DNAL1: variants seen among roughly 807,000 people sequenced by gnomAD.
DNAL1 encodes dynein axonemal light chain 1.
DNAL1 carries 17 observed loss-of-function variants against 29.4 expected under a neutral mutation model. The observed-to-expected ratio is 0.58, with a 90% CI of 0.40 to 0.87. The LOEUF is 0.87. Ranked by LOEUF, DNAL1 falls within the 40% of genes least tolerant of loss-of-function variation. The probability of loss-of-function intolerance (pLI) is 0.00; values close to 1 mark genes in which losing one functional copy is unlikely to be tolerated. For missense variants in DNAL1, 188 were observed against 214.1 expected (o/e 0.88, Z 0.76); for synonymous variants, 78 against 76.3 (o/e 1.02, Z -0.12).
Position 73,673,864 on chromosome 14 carries a change from A to C in DNAL1, c.264+2267A>C, listed in dbSNP as rs75901759. On this transcript the variant is annotated intron_variant, in intron 5 of 7. Transcript: ENST00000553645. The stretch of plus-strand genomic sequence containing the variant: ...AGTGAACTATGATTGTGCCATAGCA[A>C]TGCAGTCTGGGTGACAGAGGGGAAA... Among the ~76,000 whole-genome samples, 1,207 of 144,804 alleles carry C rather than the reference A, an allele frequency of 8.3e-3. 23 individuals carry two copies. The highest frequency in any genetic ancestry group is 0.03 in the African/African-American group (1,148 of 38,640). 95.0% of individuals were successfully genotyped at this position (144,804 alleles called of 152,430 possible).
At chr14:73,660,554 A>G (rs1891318494) in intron 3 of DNAL1, among the ~76,000 whole-genome samples, 2 of 152,218 alleles carry the variant, frequency 1.3e-5, no homozygotes, top group South Asian at 4.1e-4. Flanking sequence ...AAACCTAGGA[A>G]TCTGCATTTA....
chr14:73,652,158 C>T (rs1174757045), intron 1 of DNAL1, among the ~76,000 whole-genome samples: 1 of 152,168 alleles, frequency 6.6e-6, no homozygotes, highest in Admixed American at 6.6e-5. Flanking sequence ...GCCTCAGCCC[C>T]TGCCCAGTTC....
chr14:73,688,723 AG>A (rs1892083848), intron 6 of DNAL1, among the ~76,000 whole-genome samples: 1 of 152,226 alleles, frequency 6.6e-6, no homozygotes, highest in Non-Finnish European at 1.5e-5. Flanking sequence ...AGACAAAGGC[AG>A]GTTAGCTTAA....
At chr14:73,662,594 T>C (rs1048596469) in intron 4 of DNAL1, among the ~76,000 whole-genome samples, 23 of 152,150 alleles carry the variant, frequency 1.5e-4, no homozygotes, top group Non-Finnish European at 4.4e-5. Flanking sequence ...GAGAATCTTT[T>C]TCTAGCCTCT....
At chr14:73,648,403 C>T (rs866740332) in intron 1 of DNAL1, among the ~76,000 whole-genome samples, 49 of 86,746 alleles carry the variant, frequency 5.6e-4, no homozygotes, top group African/African-American at 1.3e-3. Context: ...CACCTCATTT[C>T]ATATATATAT....
At chr14:73,646,097 G>A (rs986839869) in intron 1 of DNAL1, among the ~76,000 whole-genome samples, 1 of 152,138 alleles carries the variant, frequency 6.6e-6, no homozygotes, top group Non-Finnish European at 1.5e-5. Context: ...TCCTTACTTT[G>A]TTCCCCAAGC....
chr14:73,666,680 A>C (rs1286014536), intron 4 of DNAL1, among the ~76,000 whole-genome samples: 1 of 152,162 alleles, frequency 6.6e-6, no homozygotes, highest in Non-Finnish European at 1.5e-5. Flanking sequence ...TTTCATGTGC[A>C]GTTTTTCAAA....
At chr14:73,678,471 C>T (rs192353916) in intron 5 of DNAL1, among the ~76,000 whole-genome samples, 52 of 149,446 alleles carry the variant, frequency 3.5e-4, no homozygotes, top group Non-Finnish European at 4.3e-4. Flanking sequence ...GAAACTGAGG[C>T]TCAGTTATGT....
intron 5 of DNAL1, among the ~76,000 whole-genome samples, chr14:73,677,759 G>A (rs867449114): frequency 5.0e-4 from 75 of 149,710 alleles, no homozygotes; most frequent in African/African-American, 1.7e-3. Flanking sequence ...GGGTTTCACC[G>A]TGTTAGCCAG....
intron 4 of DNAL1, among the ~76,000 whole-genome samples, chr14:73,665,224 G>T (rs1891450107): frequency 6.6e-6 from 1 of 151,984 alleles, no homozygotes; most frequent in Non-Finnish European, 1.5e-5. Flanking sequence ...CTCAAAGTTG[G>T]CATTCAGTAC....
At chr14:73,687,610 C>T (rs1187145105) in intron 6 of DNAL1, among the ~76,000 whole-genome samples, 1 of 152,196 alleles carries the variant, frequency 6.6e-6, no homozygotes, top group African/African-American at 2.4e-5. Context: ...CGGTGGCTCA[C>T]GCCTGTAATC....
chr14:73,690,545 G>A (rs959678001), intron 7 of DNAL1, among the ~76,000 whole-genome samples: 1 of 151,936 alleles, frequency 6.6e-6, no homozygotes, highest in Non-Finnish European at 1.5e-5. Flanking sequence ...CCATCTACTC[G>A]GGAGGCTGAG....
At position 73,696,695 on chromosome 14, in the gene DNAL1, G is replaced by A. The variant is rs1456571315; in HGVS notation, c.*753G>A. 6.6e-6 allele frequency: 1 copy of A among 152,206 alleles called. No individual in the cohort carries two copies. The highest frequency in any genetic ancestry group is 1.5e-5 in the Non-Finnish European group (1 of 68,032). 9.4% of individuals were successfully genotyped at this position (152,206 alleles called of 1,614,324 possible). On this transcript the variant is annotated 3_prime_UTR_variant, in exon 8 of 8. Transcript: ENST00000553645. ...CTGATAATGTGGCAATGTTACTCAT[G>A]TGGACCTCGCCTTAAGCACACATTT...
At position 73,702,267 on chromosome 14, in the gene DNAL1, A is replaced by G. The variant is rs1277864013; in HGVS notation, c.*6325A>G. 1 of 152,056 alleles carries G rather than the reference A, an allele frequency of 6.6e-6. No individual in the cohort carries two copies. The highest frequency in any genetic ancestry group is 1.5e-5 in the Non-Finnish European group (1 of 68,038). 9.4% of individuals were successfully genotyped at this position (152,056 alleles called of 1,614,324 possible). On this transcript the variant is annotated 3_prime_UTR_variant, in exon 8 of 8. Coordinates refer to ENST00000553645, the MANE Select transcript of DNAL1 (RefSeq NM_031427.4). The stretch of plus-strand genomic sequence containing the variant: ...GCGAGTCTCCTGCCTCAGCCTCCCG[A>G]GTACTGGGACTACAGGCGCACACCA...
intron 7 of DNAL1, among the ~76,000 whole-genome samples, chr14:73,692,155 G>T (rs1892191305): frequency 6.6e-6 from 1 of 151,820 alleles, no homozygotes; most frequent in Non-Finnish European, 1.5e-5. Flanking sequence ...CTTCCTTCAG[G>T]GTTGTACGTA....
chr14:73,682,851 T>A (rs1891921311), intron 5 of DNAL1, among the ~76,000 whole-genome samples: 2 of 149,714 alleles, frequency 1.3e-5, no homozygotes, highest in South Asian at 4.2e-4. Context: ...AGGACCTGTC[T>A]GAGGCTGTTT....
rs1389980352 is a variant in DNAL1 at position 73,700,505 on chromosome 14, T to A, written c.*4563T>A. On this transcript the variant is annotated 3_prime_UTR_variant, in exon 8 of 8. Coordinates refer to ENST00000553645, the MANE Select transcript of DNAL1 (RefSeq NM_031427.4). ...GTTGACTTATTCTGAGAATTGGTGATGTGTAAAGAGAGTTGGAATCTTCTA... is the reference window on the plus strand; with the variant it reads ...GTTGACTTATTCTGAGAATTGGTGAAGTGTAAAGAGAGTTGGAATCTTCTA... 1 of 152,194 alleles carries A rather than the reference T, an allele frequency of 6.6e-6. No homozygotes were observed. The highest frequency in any genetic ancestry group is 2.4e-5 in the African/African-American group (1 of 41,456). The allele number at this position is 152,194 out of a possible 1,614,324, so 9.4% of individuals were successfully genotyped here.
At chr14:73,646,667 C>T (rs1345895115) in intron 1 of DNAL1, among the ~76,000 whole-genome samples, 1 of 152,194 alleles carries the variant, frequency 6.6e-6, no homozygotes, top group Non-Finnish European at 1.5e-5. Context: ...GAGGCTGAGG[C>T]ATGAGAATCT....
chr14:73,683,910 T>C (rs1472810806), intron 5 of DNAL1, among the ~76,000 whole-genome samples: 1 of 152,096 alleles, frequency 6.6e-6, no homozygotes, highest in East Asian at 1.9e-4. Flanking sequence ...TTTCACCATG[T>C]TGGTCAGGCT....
Sources: gnomAD v4.1 joint callset for allele counts (sites outside exome capture counted in the v4.1 genomes callset) on GRCh38, gnomAD v4.1.1 for gene constraint, MANE v1.5 for transcripts, NCBI Gene and HGNC (gene_info 2026-07-23, HGNC 2026-07-21) for gene names.